LRP1B: variants seen among roughly 807,000 people sequenced by gnomAD.
LRP1B encodes low-density lipoprotein receptor-related protein 1B.
A neutral mutation model predicts 556.6 loss-of-function variants in LRP1B; 217 were observed. The observed-to-expected ratio is 0.39, with a 90% CI of 0.35 to 0.44. The LOEUF is 0.44. LRP1B is among the 20% of genes least tolerant of loss of function. LRP1B has a pLI of 1.00. For synonymous variants in LRP1B, 2,047 were observed against 1,865.8 expected, an observed-to-expected ratio of 1.10 and a Z score of -2.50; for missense variants, 5,053 against 5,620.8, an observed-to-expected ratio of 0.90 and a Z score of 3.23.
At chr2:140,672,482 TAAAAAAAAAAAA>T (rs55884730) in intron 41 of LRP1B, among the ~76,000 whole-genome samples, 1 of 81,592 alleles carries the variant, frequency 1.2e-5, no homozygotes, top group Non-Finnish European at 2.2e-5. Context: ...AGACTCCATC[TAAAAAAAAAAAA>T]AAAAAAAAAA....
At chr2:140,820,638 T>G (rs1046591057) in intron 31 of LRP1B, among the ~76,000 whole-genome samples, 1 of 152,202 alleles carries the variant, frequency 6.6e-6, no homozygotes, top group Non-Finnish European at 1.5e-5. Flanking sequence ...TTAAAAGCTT[T>G]AATACCTATA....
chr2:141,729,959 CT>C (rs1309977628), intron 2 of LRP1B, among the ~76,000 whole-genome samples: 7 of 152,028 alleles, frequency 4.6e-5, no homozygotes, highest in Non-Finnish European at 1.5e-5. Context: ...GCAGAAAGGT[CT>C]GGTTGAGAGT....
chr2:140,296,002 G>A (rs1308174739), intron 84 of LRP1B, among the ~76,000 whole-genome samples: 1 of 152,078 alleles, frequency 6.6e-6, no homozygotes, highest in Non-Finnish European at 1.5e-5. Context: ...GTGAAAAAAA[G>A]GGGTGGTCAA....
chr2:141,729,377 G>A (rs112991306), intron 2 of LRP1B, among the ~76,000 whole-genome samples: 1,944 of 152,142 alleles, frequency 0.013, 14 homozygotes, highest in Non-Finnish European at 0.02. Flanking sequence ...CCTGGCTTAG[G>A]TATTACTGGT....
At chr2:141,607,698 T>G (rs951831206) in intron 2 of LRP1B, among the ~76,000 whole-genome samples, 1 of 148,528 alleles carries the variant, frequency 6.7e-6, no homozygotes, top group African/African-American at 2.5e-5. Context: ...GCAGGAGGAT[T>G]GATTGTTTGA....
intron 5 of LRP1B, 39 bp downstream of exon 5, chr2:141,247,187 T>C (rs1294292873): frequency 6.2e-7 from 1 of 1,611,054 alleles, no homozygotes; most frequent in Non-Finnish European, 8.5e-7. Flanking sequence ...AGGAAACAAG[T>C]AATTCTGGAA....
At chr2:141,838,299 T>G (rs940868673) in intron 1 of LRP1B, among the ~76,000 whole-genome samples, 1 of 152,140 alleles carries the variant, frequency 6.6e-6, no homozygotes, top group Non-Finnish European at 1.5e-5. Context: ...CGACCAGAAC[T>G]GACTCCTGGC....
At chr2:141,923,034 G>C (rs1421901690) in intron 1 of LRP1B, among the ~76,000 whole-genome samples, 1 of 152,010 alleles carries the variant, frequency 6.6e-6, no homozygotes, top group African/African-American at 2.4e-5. Flanking sequence ...AGGAAGTTGA[G>C]GCTGCAGTCA....
chr2:140,964,462 T>C (rs1356623914), intron 18 of LRP1B, among the ~76,000 whole-genome samples: 1 of 152,116 alleles, frequency 6.6e-6, no homozygotes, highest in Non-Finnish European at 1.5e-5. Flanking sequence ...TCTTGACACA[T>C]TTTGCTACGG....
chr2:141,295,010 T>C (rs1686127631), intron 3 of LRP1B, among the ~76,000 whole-genome samples: 1 of 152,104 alleles, frequency 6.6e-6, no homozygotes, highest in African/African-American at 2.4e-5. Context: ...TACAAAGATA[T>C]TTTTCAAAGT....
chr2:140,927,043 C>T (rs575929237), intron 20 of LRP1B, among the ~76,000 whole-genome samples: 8 of 152,314 alleles, frequency 5.3e-5, no homozygotes, highest in African/African-American at 1.9e-4. Flanking sequence ...CAGTGGCTCA[C>T]ACCTGTACTT....
intron 41 of LRP1B, among the ~76,000 whole-genome samples, chr2:140,603,740 T>C (rs778741116): frequency 6.6e-6 from 1 of 152,154 alleles, no homozygotes; most frequent in African/African-American, 2.4e-5. Flanking sequence ...TTGTAATAGA[T>C]GATAAACAGA....
At chr2:141,387,138 A>G (rs75666801) in intron 3 of LRP1B, among the ~76,000 whole-genome samples, 1 of 152,028 alleles carries the variant, frequency 6.6e-6, no homozygotes, top group Non-Finnish European at 1.5e-5. Flanking sequence ...ATTAGAAAAT[A>G]CCTAAAAGAC....
chr2:141,674,219 G>A (rs1340437901), intron 2 of LRP1B, among the ~76,000 whole-genome samples: 1 of 152,030 alleles, frequency 6.6e-6, no homozygotes, highest in African/African-American at 2.4e-5. Flanking sequence ...TTCATTTAGA[G>A]AGAAGATTTG....
At chr2:141,193,228 C>T (rs901166877) in intron 6 of LRP1B, among the ~76,000 whole-genome samples, 3 of 151,990 alleles carry the variant, frequency 2.0e-5, no homozygotes, top group Admixed American at 2.0e-4. Flanking sequence ...AATCCCATTA[C>T]TGTGTATATA....
intron 31 of LRP1B, among the ~76,000 whole-genome samples, chr2:140,818,128 C>A (rs1691192132): frequency 1.5e-5 from 1 of 65,952 alleles, no homozygotes; most frequent in Non-Finnish European, 5.8e-5. Context: ...TTAAATTTTG[C>A]TGGAAAGAGT....
intron 5 of LRP1B, among the ~76,000 whole-genome samples, chr2:141,230,017 T>C (rs1683399501): frequency 6.6e-6 from 1 of 152,296 alleles, no homozygotes; most frequent in South Asian, 2.1e-4. Context: ...CTTTCTACAG[T>C]CAGGAAAACA....
intron 84 of LRP1B, among the ~76,000 whole-genome samples, chr2:140,284,708 A>G (rs774606493): frequency 8.5e-6 from 1 of 117,038 alleles, no homozygotes; most frequent in Non-Finnish European, 1.8e-5. Context: ...TGATATACAT[A>G]AATGTACTTT....
chr2:140,293,946 G>T (rs573852917), intron 84 of LRP1B, among the ~76,000 whole-genome samples: 4 of 151,998 alleles, frequency 2.6e-5, no homozygotes, highest in African/African-American at 7.3e-5. Flanking sequence ...GGTGGGAAGC[G>T]CTCTGACTAC....
Sources: gnomAD v4.1 joint callset for allele counts (sites outside exome capture counted in the v4.1 genomes callset) on GRCh38, gnomAD v4.1.1 for gene constraint, MANE v1.5 for transcripts, NCBI Gene and HGNC (gene_info 2026-07-23, HGNC 2026-07-21) for gene names.